Variants in UGT3A1 observed in about 807,000 individuals in gnomAD.
UGT3A1 encodes the protein UDP-glycosyltransferase 3A1.
A neutral mutation model predicts 37.6 loss-of-function variants in UGT3A1; 40 were observed. That is an observed-to-expected ratio of 1.06 (90% confidence interval 0.83 to 1.38). The LOEUF is 1.38. UGT3A1 is among the 40% of genes most tolerant of loss of function. The probability of loss-of-function intolerance (pLI) is 0.00; values close to 1 mark genes in which losing one functional copy is unlikely to be tolerated. For synonymous variants in UGT3A1, 256 were observed against 232.3 expected, an observed-to-expected ratio of 1.10 and a Z score of -0.93; for missense variants, 642 against 634.2, an observed-to-expected ratio of 1.01 and a Z score of -0.13.
chr5:35,958,606 G>A (rs1414307451), intron 4 of UGT3A1, among the ~76,000 whole-genome samples: 2 of 152,166 alleles, frequency 1.3e-5, no homozygotes, highest in African/African-American at 4.8e-5. Flanking sequence ...AAATCAACTG[G>A]AGACTGACTC....
At chr5:35,981,110 C>G (rs1740504767) in intron 2 of UGT3A1, among the ~76,000 whole-genome samples, 2 of 152,120 alleles carry the variant, frequency 1.3e-5, no homozygotes, top group African/African-American at 2.4e-5. Context: ...CAATGAAGAC[C>G]TGTTGCTTGG....
At chr5:35,970,639 A>C (rs992491064) in intron 2 of UGT3A1, among the ~76,000 whole-genome samples, 7 of 152,172 alleles carry the variant, frequency 4.6e-5, no homozygotes, top group African/African-American at 1.7e-4. Flanking sequence ...TTAAAAAACT[A>C]ACATAAAATT....
intron 2 of UGT3A1, among the ~76,000 whole-genome samples, chr5:35,984,475 T>TTA (rs2149987445): frequency 6.7e-6 from 1 of 148,200 alleles, no homozygotes; most frequent in Non-Finnish European, 1.5e-5. Context: ...TCACAGAATT[T>TTA]TTTTTTTTTT....
At chr5:35,978,982 G>A (rs956774423) in intron 2 of UGT3A1, among the ~76,000 whole-genome samples, 14 of 151,854 alleles carry the variant, frequency 9.2e-5, no homozygotes, top group African/African-American at 1.9e-4. Flanking sequence ...CCAACAGGGC[G>A]GTCAAATCTA....
At chr5:35,993,310 A>G (rs1468815321), upstream of UGT3A1, among the ~76,000 whole-genome samples, 1 of 152,134 alleles carries the variant, frequency 6.6e-6, no homozygotes, top group East Asian at 1.9e-4. Context: ...CTAAAAATAC[A>G]AAAATTAGCT....
At chr5:35,968,665 C>T (rs1207573944) in intron 2 of UGT3A1, among the ~76,000 whole-genome samples, 1 of 152,162 alleles carries the variant, frequency 6.6e-6, no homozygotes, top group Non-Finnish European at 1.5e-5. Flanking sequence ...CACCCCTCCC[C>T]CATCACCCAT....
At chr5:35,990,873 T>G in intron 1 of UGT3A1, 1 of 1,243,698 alleles carries the variant, frequency 8.0e-7, no homozygotes, top group East Asian at 3.9e-5. Flanking sequence ...GGTCTCAAAT[T>G]TCTGGCCCCA....
chr5:35,975,110 T>G (rs1486386715), intron 2 of UGT3A1, among the ~76,000 whole-genome samples: 1 of 152,220 alleles, frequency 6.6e-6, no homozygotes, highest in Non-Finnish European at 1.5e-5. Context: ...GTGGAGAAGT[T>G]GGCCTGTTCT....
At chr5:35,954,556 A>G in intron 6 of UGT3A1, 78 bp from the exon 7 acceptor site, 1 of 1,510,604 alleles carries the variant, frequency 6.6e-7, no homozygotes, top group Non-Finnish European at 9.0e-7. Flanking sequence ...ATGAGCACAC[A>G]CACAAGCATA....
chr5:35,997,673 C>G (rs1186376718), intron 1 of UGT3A1, among the ~76,000 whole-genome samples: 1 of 152,202 alleles, frequency 6.6e-6, no homozygotes, highest in Non-Finnish European at 1.5e-5. Flanking sequence ...GATCCACCCA[C>G]CTCGGCCTCC....
intron 2 of UGT3A1, among the ~76,000 whole-genome samples, chr5:35,987,044 C>A (rs1740755893): frequency 6.6e-6 from 1 of 151,992 alleles, no homozygotes; most frequent in Non-Finnish European, 1.5e-5. Flanking sequence ...CTATCCTATA[C>A]GTGAGATTTC....
intron 2 of UGT3A1, among the ~76,000 whole-genome samples, chr5:35,969,447 T>TA (rs771938474): frequency 1.4e-4 from 21 of 151,818 alleles, no homozygotes; most frequent in Non-Finnish European, 2.6e-4. Flanking sequence ...GAAAGAAACT[T>TA]ACAAAGATGA....
In UGT3A1 at chr5:35,955,708, C is replaced by A. The variant is rs375000458; in HGVS notation, c.1232G>T (p.Arg411Leu). 2 of 1,614,162 alleles carry A rather than the reference C, an allele frequency of 1.2e-6. No homozygotes were observed. Among genetic ancestry groups the A allele is most frequent in the Middle Eastern group, 1.6e-4 (1 of 6,062 alleles). The change falls in exon 6 of 7, where the codon CGG becomes CTG. Residue 411 changes from arginine to leucine, a missense_variant. By Grantham distance (102) the Arg-to-Leu change is moderately radical. Transcript: ENST00000274278. ...TGTGTCGGCTGTGACCTGATTCAAC[C>A]GGATAGAGACACCATAATTTTTGGC... ...VVAKNYGVSI[R>L]LNQVTADTLT...
Position 35,957,255 on chromosome 5 carries a change from C to T in UGT3A1, c.1008G>A (p.Trp336Ter). ...GVIWTCQSSH[W>*]PRDVHLATNV... ...TTGTGGCCAAATGAACATCTCTGGGCCAATGAGAACTCTGACATGTCCATA... is the reference window on the plus strand; with the variant it reads ...TTGTGGCCAAATGAACATCTCTGGGTCAATGAGAACTCTGACATGTCCATA... The change falls in exon 5 of 7, where the codon TGG (tryptophan) becomes TGA (stop). Residue 336 changes from tryptophan to a stop codon, truncating the protein, a stop_gained. Coordinates refer to ENST00000274278, the MANE Select transcript of UGT3A1 (RefSeq NM_152404.4). LOFTEE classifies it high-confidence loss of function. 6.2e-7 allele frequency: 1 copy of T among 1,614,118 alleles called. No homozygotes were observed. The highest frequency in any genetic ancestry group is 8.5e-7 in the Non-Finnish European group (1 of 1,180,018).
intron 4 of UGT3A1, among the ~76,000 whole-genome samples, chr5:35,958,706 TAA>T (rs1739455896): frequency 9.8e-5 from 15 of 152,364 alleles, no homozygotes; most frequent in Admixed American, 9.8e-4. Flanking sequence ...TCAAACAGTA[TAA>T]ATTTCTAATC....
chr5:35,977,104 G>GGGAA (rs1554073881), intron 2 of UGT3A1, among the ~76,000 whole-genome samples: 2 of 136,644 alleles, frequency 1.5e-5, no homozygotes, highest in African/African-American at 6.5e-5. Context: ...AAGAAAGAAA[G>GGGAA]AGAAAGAGAG....
chr5:35,975,322 G>A (rs1740220650), intron 2 of UGT3A1, among the ~76,000 whole-genome samples: 1 of 152,240 alleles, frequency 6.6e-6, no homozygotes, highest in African/African-American at 2.4e-5. Context: ...TGCCTGATTA[G>A]CATCATTCCT....
intron 2 of UGT3A1, among the ~76,000 whole-genome samples, chr5:35,972,535 C>A (rs1366798126): frequency 1.2e-5 from 1 of 84,048 alleles, no homozygotes; most frequent in African/African-American, 4.2e-5. Context: ...GTGTGTGTGT[C>A]CAATTGGTAC....
rs890186818 is a variant in UGT3A1 at position 35,952,677 on chromosome 5, A to G, written c.*1525T>C. On this transcript the variant is annotated 3_prime_UTR_variant, in exon 7 of 7. Transcript: ENST00000274278. Reference sequence around the variant, plus strand: ...GTTGATTCAACAGAAAACACAGGGAAGCATCCATGTCTGCCCTTCATGGGA... The same window carrying G: ...GTTGATTCAACAGAAAACACAGGGAGGCATCCATGTCTGCCCTTCATGGGA... 3.9e-5 allele frequency: 6 copies of G among 152,220 alleles called. No individual in the cohort carries two copies. The highest frequency in any genetic ancestry group is 1.4e-4 in the African/African-American group (6 of 41,454). The allele number at this position is 152,220 out of a possible 1,614,324, so 9.4% of individuals were successfully genotyped here.
Sources: gnomAD v4.1 joint callset for allele counts (sites outside exome capture counted in the v4.1 genomes callset) on GRCh38, gnomAD v4.1.1 for gene constraint, MANE v1.5 for transcripts, NCBI Gene and HGNC (gene_info 2026-07-23, HGNC 2026-07-21) for gene names.